GLIS3: variants seen among roughly 807,000 people sequenced by gnomAD.
GLIS3 encodes GLIS family zinc finger 3, also known as zinc finger protein GLIS3.
In GLIS3, 53 loss-of-function variants were observed where a neutral mutation model predicts 78.6. That is an observed-to-expected ratio of 0.67 (90% confidence interval 0.54 to 0.85). The LOEUF (loss-of-function observed/expected upper bound fraction) is 0.85, where lower values mean the gene tolerates loss of function less well. Among genes scored for constraint, GLIS3 ranks in the 40% least tolerant of loss-of-function variants. The pLI is 0.00. For missense variants in GLIS3, 1,703 were observed against 1,231.1 expected, an observed-to-expected ratio of 1.38 and a Z score of -5.74; for synonymous variants, 684 against 509.9, an observed-to-expected ratio of 1.34 and a Z score of -4.60.
chr9:4,150,111 G>C (rs1834554541), intron 2 of GLIS3, among the ~76,000 whole-genome samples: 1 of 152,116 alleles, frequency 6.6e-6, no homozygotes, highest in Non-Finnish European at 1.5e-5. Flanking sequence ...AAAAGGTAAA[G>C]AAGAGCTTCC....
At chr9:4,177,909 C>T (rs1816950337) in intron 2 of GLIS3, among the ~76,000 whole-genome samples, 1 of 152,190 alleles carries the variant, frequency 6.6e-6, no homozygotes, top group Admixed American at 6.5e-5. Context: ...CACTAACTCC[C>T]ATCACAGCTT....
intron 4 of GLIS3, among the ~76,000 whole-genome samples, chr9:4,091,461 C>T (rs201398742): frequency 1.3e-5 from 2 of 152,000 alleles, no homozygotes; most frequent in East Asian, 3.9e-4. Context: ...AAAATAAAAA[C>T]AATAATAATA....
chr9:4,311,261 T>G (rs914428448), intron 2 of GLIS3, among the ~76,000 whole-genome samples: 8 of 151,952 alleles, frequency 5.3e-5, no homozygotes, highest in African/African-American at 1.9e-4. Flanking sequence ...ATACAAAAAT[T>G]ATCCGGGCGT....
intron 2 of GLIS3, among the ~76,000 whole-genome samples, chr9:4,324,910 T>C (rs376581070): frequency 6.6e-6 from 1 of 152,218 alleles, no homozygotes; most frequent in Non-Finnish European, 1.5e-5. Context: ...TTAGGTAGTA[T>C]CTTTACGTGC....
chr9:4,328,473 G>A (rs186720035), intron 2 of GLIS3, among the ~76,000 whole-genome samples: 58 of 152,318 alleles, frequency 3.8e-4, no homozygotes, highest in African/African-American at 1.2e-3. Flanking sequence ...TTTCACCAGT[G>A]TGTACAGGTA....
chr9:4,303,626 A>C (rs1485413255), upstream of GLIS3, among the ~76,000 whole-genome samples: 1 of 152,224 alleles, frequency 6.6e-6, no homozygotes, highest in Non-Finnish European at 1.5e-5. Flanking sequence ...CAAAACTGTA[A>C]ATCAGAGTCT....
At position 4,143,176 on chromosome 9, in the gene GLIS3, C is replaced by T. The variant is rs117897745; in HGVS notation, c.389-17235G>A. Among the ~76,000 whole-genome samples, 653 of 152,150 alleles carry T rather than the reference C, an allele frequency of 4.3e-3. 1 individual carries two copies. The highest frequency in any genetic ancestry group is 7.7e-3 in the Non-Finnish European group (522 of 68,002). Reference sequence around the variant, plus strand: ...TACGTACACACTGTGAAACAATTACCACAATCCATAGTTAACATACCCATA... The same window carrying T: ...TACGTACACACTGTGAAACAATTACTACAATCCATAGTTAACATACCCATA... On this transcript the variant is annotated intron_variant, in intron 2 of 10. Transcript: ENST00000381971.
chr9:4,163,621 T>A (rs1382118502), intron 2 of GLIS3, among the ~76,000 whole-genome samples: 1 of 152,216 alleles, frequency 6.6e-6, no homozygotes, highest in Non-Finnish European at 1.5e-5. Context: ...CTGCAAAGAT[T>A]CACATTCTAG....
chr9:4,305,743 C>G (rs558944319), intron 4 of GLIS3: 14 of 348 alleles, frequency 0.04, no homozygotes, highest in Middle Eastern at 0.5. Context: ...GTAGCCTTTT[C>G]TCCTCTGTGT....
the GLIS3 span, among the ~76,000 whole-genome samples, chr9:4,475,694 G>A: frequency 6.6e-6 from 1 of 152,140 alleles, no homozygotes; most frequent in Non-Finnish European, 1.5e-5. Context: ...GAAAAAAGGA[G>A]GCACAGAACA....
At chr9:4,250,359 C>G (rs10758586) in intron 2 of GLIS3, among the ~76,000 whole-genome samples, 1 of 151,954 alleles carries the variant, frequency 6.6e-6, no homozygotes, top group East Asian at 1.9e-4. Context: ...TGTATGTGTC[C>G]AGGAATTTAT....
At chr9:4,386,586 A>C in the GLIS3 span, 1 of 152,216 alleles carries the variant, frequency 6.6e-6, no homozygotes, top group Non-Finnish European at 1.5e-5. Context: ...TGAAAATGAA[A>C]GTACTCCATG....
At chr9:4,390,563 G>C in the GLIS3 span, among the ~76,000 whole-genome samples, 2 of 152,136 alleles carry the variant, frequency 1.3e-5, no homozygotes, top group South Asian at 2.1e-4. Context: ...TGCAAGTAGG[G>C]TTTATACGCT....
chr9:4,345,328 C>T (rs1817884218), intron 2 of GLIS3, among the ~76,000 whole-genome samples: 1 of 152,164 alleles, frequency 6.6e-6, no homozygotes, highest in African/African-American at 2.4e-5. Flanking sequence ...ATAATGACCC[C>T]ACTTAATCCC....
At chr9:4,032,436 GCTT>G (rs1823920328) in intron 4 of GLIS3, among the ~76,000 whole-genome samples, 1 of 151,710 alleles carries the variant, frequency 6.6e-6, no homozygotes. Context: ...TGCATAGAAT[GCTT>G]TTTTTTCAAA....
chr9:4,283,837 T>A (rs1475915722), intron 2 of GLIS3, among the ~76,000 whole-genome samples: 3 of 152,204 alleles, frequency 2.0e-5, no homozygotes, highest in Non-Finnish European at 4.4e-5. Flanking sequence ...CCACTGATGG[T>A]ATCTAAGCTC....
intron 4 of GLIS3, among the ~76,000 whole-genome samples, chr9:4,033,143 A>G (rs618268): frequency 0.46 from 70,438 of 151,936 alleles, 16,670 homozygotes; most frequent in Non-Finnish European, 0.51. Context: ...GTGAGCCACC[A>G]CACCTGGCTG....
intron 2 of GLIS3, among the ~76,000 whole-genome samples, chr9:4,254,548 G>T (rs982198249): frequency 2.0e-5 from 3 of 152,152 alleles, no homozygotes; most frequent in Non-Finnish European, 2.9e-5. Flanking sequence ...GGAACAAAAA[G>T]ATAAGAAATG....
chr9:4,330,880 G>C (rs1401102841), intron 2 of GLIS3, among the ~76,000 whole-genome samples: 1 of 152,150 alleles, frequency 6.6e-6, no homozygotes, highest in Non-Finnish European at 1.5e-5. Context: ...GATTCCTGCA[G>C]ATCACCTTTG....
Sources: allele counts gnomAD v4.1 joint callset (sites outside exome capture counted in the v4.1 genomes callset), GRCh38; gene constraint gnomAD v4.1.1; transcripts MANE v1.5; gene names NCBI Gene and HGNC (gene_info 2026-07-23, HGNC 2026-07-21).